SLC39A14: variants seen among roughly 807,000 people sequenced by gnomAD.
The protein encoded by SLC39A14 is metal cation symporter ZIP14.
A neutral mutation model predicts 45.5 loss-of-function variants in SLC39A14; 19 were observed. The ratio of observed to expected loss-of-function variants is 0.42; its 90% CI spans 0.29 to 0.61. SLC39A14 has a LOEUF of 0.61. SLC39A14 is among the 20% of genes least tolerant of loss of function. The probability of loss-of-function intolerance (pLI) is 0.22; values close to 1 mark genes in which losing one functional copy is unlikely to be tolerated. For missense variants in SLC39A14, 447 were observed against 616.5 expected, an observed-to-expected ratio of 0.73 and a Z score of 2.91; for synonymous variants, 264 against 251.3, an observed-to-expected ratio of 1.05 and a Z score of -0.48.
rs564566969 is a variant in SLC39A14, at chr8:22,416,055, G to T, written c.940-18G>T. On this transcript the variant is annotated intron_variant, in intron 6 of 8. Transcript: ENST00000381237. The stretch of plus-strand genomic sequence containing the variant: ...CAGCCTTTGACGCTGTGGGCCCTGG[G>T]GGTGTGCTTTCTCCTAGGACCTGCA... 6.2e-7 allele frequency: 1 copy of T among 1,613,516 alleles called. No homozygotes were observed. The highest frequency in any genetic ancestry group is 1.1e-5 in the South Asian group (1 of 91,070).
chr8:22,424,678 C>T (rs1836352811), downstream of SLC39A14, among the ~76,000 whole-genome samples: 1 of 151,916 alleles, frequency 6.6e-6, no homozygotes, highest in Non-Finnish European at 1.5e-5. Flanking sequence ...GGGTGGAGGG[C>T]GTATCTGGTT....
Position 22,394,720 on chromosome 8 carries a change from T to C in SLC39A14, c.-15-9976T>C, listed in dbSNP as rs192370154. Among the ~76,000 whole-genome samples the C allele has an allele frequency of 3.9e-5, 6 of 152,346 alleles. No homozygotes were observed. The East Asian group carries it at 1.2e-3, about 29-fold the overall frequency. On this transcript the variant is annotated intron_variant, in intron 1 of 8. Coordinates refer to ENST00000381237, the MANE Select transcript of SLC39A14 (RefSeq NM_001128431.4). ...GCTCTCCGTATTTCCATTTCTGTATTAATTACATGCATTTCATTGTTAAGT... is the reference window on the plus strand; with the variant it reads ...GCTCTCCGTATTTCCATTTCTGTATCAATTACATGCATTTCATTGTTAAGT...
downstream of SLC39A14, among the ~76,000 whole-genome samples, chr8:22,423,246 C>T (rs370043136): frequency 1.1e-4 from 16 of 152,222 alleles, no homozygotes; most frequent in African/African-American, 2.9e-4. Flanking sequence ...TGGGTTCAAG[C>T]GATTCTCATG....
intron 3 of SLC39A14, among the ~76,000 whole-genome samples, chr8:22,409,657 T>C (rs7816556): frequency 0.59 from 88,837 of 151,716 alleles, 27,397 homozygotes; most frequent in African/African-American, 0.79. Flanking sequence ...GCTGGGATTA[T>C]AGGCTTGCGC....
intron 1 of SLC39A14, among the ~76,000 whole-genome samples, chr8:22,397,825 A>T (rs376892950): frequency 5.9e-5 from 9 of 152,302 alleles, no homozygotes; most frequent in African/African-American, 2.2e-4. Context: ...AAGGGAAGGA[A>T]GAGTGGAGAA....
At chr8:22,429,560 T>A (rs778326204) in intron 8 of SLC39A14, among the ~76,000 whole-genome samples, 24 of 152,252 alleles carry the variant, frequency 1.6e-4, no homozygotes, top group Non-Finnish European at 2.9e-4. Flanking sequence ...ACATGATTGC[T>A]CATACACACT....
At position 22,393,727 on chromosome 8, in the gene SLC39A14, G is replaced by A. The variant is rs779506591; in HGVS notation, c.-15-10969G>A. Among the ~76,000 whole-genome samples, 43 of 151,712 alleles carry A rather than the reference G, an allele frequency of 2.8e-4. 1 individual carries two copies. The highest frequency in any genetic ancestry group is 3.4e-3 in the Middle Eastern group (1 of 294). ...TTCTCTGTCACCCAGGCTGGGGTGC[G>A]GTGGCACAGTCATAGCTCACTGCAG... On this transcript the variant is annotated intron_variant, in intron 1 of 8. Transcript: ENST00000381237.
intron 1 of SLC39A14, among the ~76,000 whole-genome samples, chr8:22,401,228 A>G (rs764821200): frequency 1.6e-4 from 25 of 152,250 alleles, no homozygotes; most frequent in Non-Finnish European, 2.5e-4. Context: ...TGGCAGAGCC[A>G]GGATTCAGGC....
At chr8:22,402,021 A>T (rs768756220) in intron 1 of SLC39A14, among the ~76,000 whole-genome samples, 1 of 152,192 alleles carries the variant, frequency 6.6e-6, no homozygotes, top group Non-Finnish European at 1.5e-5. Flanking sequence ...CTATTAAAGC[A>T]AATTAATTAA....
chr8:22,371,097 C>G (rs955515763), intron 1 of SLC39A14, among the ~76,000 whole-genome samples: 1 of 152,218 alleles, frequency 6.6e-6, no homozygotes. Context: ...GACGCAGAGG[C>G]TGGGCCCTCT....
At chr8:22,374,534 G>A (rs150761321) in intron 1 of SLC39A14, among the ~76,000 whole-genome samples, 3 of 150,566 alleles carry the variant, frequency 2.0e-5, no homozygotes, top group African/African-American at 4.9e-5. Flanking sequence ...AAGGAGAGCC[G>A]TGTGAATGCT....
rs377581129 is a variant in SLC39A14, at chr8:22,410,137, C to T, written c.457+1641C>T. 1.5e-5 allele frequency: 24 copies of T among 1,613,372 alleles called. 1 individual carries two copies. The highest frequency in any genetic ancestry group is 4.0e-5 in the African/African-American group (3 of 75,008). ...AGAGGTGCAGTAGAACAGAAACTTG[C>T]GCGTCCTCTTTCCCTGGGGCGGCAC... On this transcript the variant is annotated intron_variant, in intron 3 of 8. Transcript: ENST00000381237.
intron 2 of SLC39A14, 27 bp from the exon 3 acceptor site, chr8:22,408,283 C>T (rs534747726): frequency 1.5e-5 from 24 of 1,602,388 alleles, no homozygotes; most frequent in African/African-American, 5.3e-5. Flanking sequence ...GGGGTCTAAG[C>T]GGCTTCCTGC....
chr8:22,431,305 T>C (rs1034419974), intron 8 of SLC39A14, among the ~76,000 whole-genome samples: 5 of 152,208 alleles, frequency 3.3e-5, no homozygotes, highest in Non-Finnish European at 7.3e-5. Context: ...GCTTTTCATA[T>C]AAAATTGCAG....
At chr8:22,423,944 T>A (rs1836337500), downstream of SLC39A14, among the ~76,000 whole-genome samples, 4 of 151,846 alleles carry the variant, frequency 2.6e-5, 1 homozygote, top group South Asian at 8.3e-4. Flanking sequence ...TAGCTGGGAC[T>A]AGAGGCGAGC....
intron 5 of SLC39A14, 136 bp downstream of exon 5, chr8:22,415,038 A>C: frequency 1.9e-6 from 2 of 1,066,528 alleles, no homozygotes. Flanking sequence ...TTTCTTGAGG[A>C]GACAATCCCA....
chr8:22,383,225 A>G (rs56754041), intron 1 of SLC39A14, among the ~76,000 whole-genome samples: 1 of 152,162 alleles, frequency 6.6e-6, no homozygotes, highest in East Asian at 1.9e-4. Context: ...CTCCCAGCCA[A>G]TTTTGTCCCT....
intron 4 of SLC39A14, among the ~76,000 whole-genome samples, chr8:22,414,442 A>G (rs185216657): frequency 2.8e-4 from 42 of 152,372 alleles, no homozygotes; most frequent in Admixed American, 2.7e-3. Context: ...TCAATATGAA[A>G]TCTATTGGCA....
chr8:22,425,304 C>T (rs1454144358), downstream of SLC39A14, among the ~76,000 whole-genome samples: 2 of 152,174 alleles, frequency 1.3e-5, no homozygotes, highest in East Asian at 3.8e-4. Flanking sequence ...TACTCTTAAT[C>T]AGCTAAGCCA....
Sources: gnomAD v4.1 joint callset for allele counts (sites outside exome capture counted in the v4.1 genomes callset) on GRCh38, gnomAD v4.1.1 for gene constraint, MANE v1.5 for transcripts, NCBI Gene and HGNC (gene_info 2026-07-23, HGNC 2026-07-21) for gene names.